TEDC1: variants seen among roughly 807,000 people sequenced by gnomAD.
TEDC1 encodes tubulin epsilon and delta complex 1.
Under a neutral mutation model 59.9 loss-of-function variants are expected in TEDC1, and 54 were observed. The ratio of observed to expected loss-of-function variants is 0.90; its 90% confidence interval spans 0.72 to 1.13. The LOEUF is 1.13. Among genes scored for constraint, TEDC1 ranks in the 50% most tolerant of loss-of-function variants. The pLI is 0.00. For missense variants in TEDC1, 734 were observed against 683.4 expected (o/e 1.07, Z -0.83); for synonymous variants, 353 against 298.1 (o/e 1.18, Z -1.90).
chr14:105,494,278 C>G, intron 5 of TEDC1: 1 of 356,400 alleles, frequency 2.8e-6, no homozygotes. Flanking sequence ...GTTGGCATCT[C>G]AAGCAGGTCT....
At chr14:105,492,382 G>A (rs2084235778) in intron 3 of TEDC1, 73 bp downstream of exon 3, 2 of 1,570,918 alleles carry the variant, frequency 1.3e-6, no homozygotes, top group Non-Finnish European at 1.7e-6. Flanking sequence ...GCAGGCCTGG[G>A]TCAGCCCCCT....
In TEDC1 at chr14:105,491,499, G is replaced by A. The variant is rs2084206918; in HGVS notation, c.124G>A (p.Ala42Thr). The change falls in exon 1 of 9, where the codon GCC becomes ACC. Residue 42 changes from alanine to threonine, a missense_variant. Transcript: ENST00000392523. ...ACCCAGCCCCGAGATCTTCCGCCGC[G>A]CCAAGTTCGACCGTCCGGAGGCGGT... Reference protein sequence around the residue: ...SGPSPEIFRRAKFDRPEATSA... With the variant: ...SGPSPEIFRRTKFDRPEATSA... The A allele has an allele frequency of 1.3e-6, 2 of 1,493,156 alleles. No individual in the cohort carries two copies. The highest frequency in any genetic ancestry group is 1.8e-6 in the Non-Finnish European group (2 of 1,121,192). The allele number at this position is 1,493,156 out of a possible 1,614,324, so 92.5% of individuals were successfully genotyped here. A position where few individuals can be genotyped will look rare whatever the true frequency, so the allele number is the denominator to read the frequency against.
At position 105,497,990 on chromosome 14, in the gene TEDC1, C is replaced by G; in HGVS notation, c.1158+13C>G. ...CTGGGAGGCCAAGGTGAGTGCCAGC[C>G]TCGCTCTGGGCACCAGCCCAGCCCC... On this transcript the variant is annotated intron_variant, in intron 8 of 8. Transcript: ENST00000392523. 6.6e-7 allele frequency: 1 copy of G among 1,508,156 alleles called. No individual in the cohort carries two copies. Among genetic ancestry groups the G allele is most frequent in the Non-Finnish European group, 8.9e-7 (1 of 1,126,610 alleles). 93.4% of individuals were successfully genotyped at this position (1,508,156 alleles called of 1,614,324 possible).
intron 2 of TEDC1, 126 bp from the exon 3 acceptor site, chr14:105,491,981 A>G: frequency 1.9e-6 from 2 of 1,042,782 alleles, no homozygotes; most frequent in Non-Finnish European, 2.8e-6. Flanking sequence ...TAGCTCTCCC[A>G]CTATCATCTC....
At position 105,492,098 on chromosome 14, in the gene TEDC1, C is replaced by T. The variant is rs1595470086; in HGVS notation, c.227-9C>T. 2 of 1,587,076 alleles carry T rather than the reference C, an allele frequency of 1.3e-6. No individual in the cohort carries two copies. Among genetic ancestry groups the T allele is most frequent in the Admixed American group, 1.8e-5 (1 of 55,430 alleles). On this transcript the variant is annotated splice_polypyrimidine_tract_variant and intron_variant, in intron 2 of 8. Coordinates refer to ENST00000392523, the MANE Select transcript of TEDC1 (RefSeq NM_001367178.1). ...GTGGTCCCCCTAAGGTGGTGGTCTT[C>T]TGTCCTAGAGGTCCAAGCCCGCTTG... is the stretch of plus-strand genomic sequence containing the variant.
At chr14:105,493,743 C>G in intron 4 of TEDC1, 92 bp from the exon 5 acceptor site, 1 of 885,086 alleles carries the variant, frequency 1.1e-6, no homozygotes, top group Non-Finnish European at 1.8e-6. Context: ...GAGGTGGGCT[C>G]TGATGGCCGA....
rs138505168 is a variant in TEDC1 at position 105,497,807 on chromosome 14, C to G, written c.988C>G (p.Leu330Val). The change falls in exon 8 of 9, where the codon CTG becomes GTG. Residue 330 changes from leucine to valine, a missense_variant. Leu to Val is a conservative substitution (Grantham distance 32). Coordinates refer to ENST00000392523, the MANE Select transcript of TEDC1 (RefSeq NM_001367178.1). ...LVFWRWMDTV[L>V]GTCAPEVPAA... ...ACTTGGGTCTCTGTAGGACACGGTCCTGGGCACCTGTGCCCCGGAGGTGCC... is the reference window on the plus strand; with the variant it reads ...ACTTGGGTCTCTGTAGGACACGGTCGTGGGCACCTGTGCCCCGGAGGTGCC... 1.2e-3 allele frequency: 1,934 copies of G among 1,565,772 alleles called. 1 individual carries two copies. Among genetic ancestry groups the G allele is most frequent in the Non-Finnish European group, 1.5e-3 (1,734 of 1,155,186 alleles).
At chr14:105,493,015 C>A (rs1567073299) in intron 4 of TEDC1, among the ~76,000 whole-genome samples, 2 of 152,162 alleles carry the variant, frequency 1.3e-5, no homozygotes, top group African/African-American at 2.4e-5. Flanking sequence ...TACCAGTGGA[C>A]TTCCAGCTCT....
chr14:105,498,609 C>T lies in TEDC1; in HGVS notation c.1159-8C>T. On this transcript the variant is annotated splice_polypyrimidine_tract_variant and splice_region_variant and intron_variant, in intron 8 of 8. Coordinates refer to ENST00000392523, the MANE Select transcript of TEDC1 (RefSeq NM_001367178.1). ...GGGACAGAGCCATTGCCATTGTGTC[C>T]CACGCAGGCTGGAGGCTGTGGACGG... 1.3e-6 allele frequency: 2 copies of T among 1,530,314 alleles called. No homozygotes were observed. The highest frequency in any genetic ancestry group is 1.4e-5 in the African/African-American group (1 of 72,920). 94.8% of individuals were successfully genotyped at this position (1,530,314 alleles called of 1,614,324 possible). A position where few individuals can be genotyped will look rare whatever the true frequency, so the allele number is the denominator to read the frequency against.
intron 5 of TEDC1, chr14:105,495,646 C>A (rs2084327132): frequency 1.9e-6 from 1 of 537,650 alleles, no homozygotes. Context: ...CTGCCCTTGT[C>A]CCTACCTGCC....
rs782813113 is a variant in TEDC1 at position 105,493,929 on chromosome 14, A to G, written c.680A>G (p.Gln227Arg). 11 of 1,341,968 alleles carry G rather than the reference A, an allele frequency of 8.2e-6. No homozygotes were observed. Among genetic ancestry groups the G allele is most frequent in the South Asian group, 2.3e-5 (2 of 85,650 alleles). 83.1% of individuals were successfully genotyped at this position (1,341,968 alleles called of 1,614,324 possible). The part of the protein sequence containing the change: ...AEMLRDPEGG[Q>R]QVSGAGAAQN... ...ATGCTCAGGGACCCAGAGGGAGGCC[A>G]GCAGGTGAGGGCGGGCAAGCTGCTG... Residue 227 changes from glutamine (Q) to arginine (R), a missense_variant, in exon 5 of 9, where the codon CAG becomes CGG. Gln to Arg is a conservative substitution (Grantham distance 43). Coordinates refer to ENST00000392523, the MANE Select transcript of TEDC1 (RefSeq NM_001367178.1).
intron 4 of TEDC1, among the ~76,000 whole-genome samples, chr14:105,493,602 G>A (rs2084269238): frequency 6.6e-6 from 1 of 152,136 alleles, no homozygotes; most frequent in Admixed American, 6.5e-5. Flanking sequence ...GGGTGGGGAG[G>A]CCATCAGTGA....
Position 105,497,840 on chromosome 14 carries a change from G to T in TEDC1, c.1021G>T (p.Ala341Ser), listed in dbSNP as rs1475223387. The T allele has an allele frequency of 6.4e-7, 1 of 1,573,026 alleles. No individual in the cohort carries two copies. The highest frequency in any genetic ancestry group is 8.6e-7 in the Non-Finnish European group (1 of 1,159,324). ...CTGTGCCCCGGAGGTGCCTGCTGCA[G>T]CCTCACAGCCCACCTTCCTGCCCTG... Reference protein sequence around the residue: ...GTCAPEVPAAASQPTFLPWVP... With the variant: ...GTCAPEVPAASSQPTFLPWVP... The change falls in exon 8 of 9, where the codon GCC becomes TCC. Residue 341 changes from alanine to serine, a missense_variant. Physicochemically the swap from Ala to Ser is moderately conservative, Grantham distance 99 (BLOSUM62 1). Coordinates refer to ENST00000392523, the MANE Select transcript of TEDC1 (RefSeq NM_001367178.1).
Position 105,497,363 on chromosome 14 carries a change from C to T in TEDC1, c.898C>T (p.Arg300Trp), listed in dbSNP as rs80142487. ...SLLSPFRALLRTLERENQRLE... is the reference protein window; with the variant it reads ...SLLSPFRALLWTLERENQRLE... ...GCTGCCGTTTGCCTTCCAGCTGCTG[C>T]GGACTCTGGAGCGTGAGAACCAGCG... Residue 300 changes from arginine to tryptophan, a missense_variant, in exon 7 of 9, where the codon CGG (arginine) becomes TGG (tryptophan). Coordinates refer to ENST00000392523, the MANE Select transcript of TEDC1 (RefSeq NM_001367178.1). The T allele has an allele frequency of 5.4e-3, 8,449 of 1,550,806 alleles. 568 individuals carry two copies. In the East Asian group the frequency reaches 0.14, roughly 26 times the overall value.
rs781784997 is a variant in TEDC1 at position 105,492,265 on chromosome 14, G to T, written c.385G>T (p.Ala129Ser). 4 of 1,608,944 alleles carry T rather than the reference G, an allele frequency of 2.5e-6. No individual in the cohort carries two copies. The highest frequency in any genetic ancestry group is 3.4e-6 in the Non-Finnish European group (4 of 1,179,998). Residue 129 changes from alanine (A) to serine (S), a missense_variant, in exon 3 of 9, where the codon GCC becomes TCC. Physicochemically the swap from Ala to Ser is moderately conservative, Grantham distance 99. Coordinates refer to ENST00000392523, the MANE Select transcript of TEDC1 (RefSeq NM_001367178.1). Reference sequence around the variant, plus strand: ...AGGACCTGTGCCCGAGCAGATGCTGGCCCAGGCCCGAGTGCCTCTGGGTGA... The same window carrying T: ...AGGACCTGTGCCCGAGCAGATGCTGTCCCAGGCCCGAGTGCCTCTGGGTGA... ...ARGPVPEQML[A>S]QARVPLGDEM... is the part of the protein sequence containing the mutation.
At chr14:105,497,577 T>C (rs1374434661) in intron 7 of TEDC1, 134 bp downstream of exon 7, 1 of 1,190,550 alleles carries the variant, frequency 8.4e-7, no homozygotes, top group African/African-American at 1.6e-5. Flanking sequence ...GTAGGCTCTT[T>C]CTAGGACTTC....
Position 105,498,563 on chromosome 14 carries a change from G to C in TEDC1, c.1159-54G>C, listed in dbSNP as rs1373753473. ...TCTGGGCTCAGGGAATGCTCAGGGA[G>C]CCTGAGGCCAGTGTCCTGGGGGGAC... On this transcript the variant is annotated intron_variant, in intron 8 of 8. Coordinates refer to ENST00000392523, the MANE Select transcript of TEDC1 (RefSeq NM_001367178.1). The C allele has an allele frequency of 2.0e-6, 3 of 1,467,334 alleles. No homozygotes were observed. The African/African-American group carries it at 4.2e-5, about 21-fold the overall frequency. The allele number at this position is 1,467,334 out of a possible 1,614,324, so 90.9% of individuals were successfully genotyped here.
chr14:105,495,691 G>T (rs1256607298), intron 5 of TEDC1, 189 bp from the exon 6 acceptor site: 2 of 594,588 alleles, frequency 3.4e-6, no homozygotes, highest in East Asian at 2.8e-5. Context: ...CAGGCTTCTG[G>T]CCCCTGGGAC....
intron 6 of TEDC1, 155 bp downstream of exon 6, chr14:105,496,241 T>A (rs2084343229): frequency 1.3e-6 from 1 of 765,616 alleles, no homozygotes; most frequent in Non-Finnish European, 2.0e-6. Flanking sequence ...TTCTGTCAGG[T>A]GTGTTGAAGC....
Sources: allele counts gnomAD v4.1 joint callset (sites outside exome capture counted in the v4.1 genomes callset), GRCh38; gene constraint gnomAD v4.1.1; transcripts MANE v1.5; gene names NCBI Gene and HGNC (gene_info 2026-07-23, HGNC 2026-07-21).